STK40: variants seen among roughly 807,000 people sequenced by gnomAD.
STK40 encodes serine/threonine kinase 40.
STK40 carries 13 observed loss-of-function variants against 47.9 expected under a neutral mutation model. That is an observed-to-expected ratio of 0.27 (90% CI 0.18 to 0.43). The LOEUF (loss-of-function observed/expected upper bound fraction) is 0.43, where lower values mean the gene tolerates loss of function less well. Ranked by LOEUF, STK40 falls within the 20% of genes least tolerant of loss-of-function variation. STK40 has a pLI of 1.00. For missense variants in STK40, 460 were observed against 595.1 expected, an observed-to-expected ratio of 0.77 and a Z score of 2.36; for synonymous variants, 225 against 243.2, an observed-to-expected ratio of 0.93 and a Z score of 0.69.
Position 36,358,250 on chromosome 1 carries a change from C to T in STK40, c.331G>A (p.Gly111Ser), listed in dbSNP as rs772996133. The T allele has an allele frequency of 6.3e-6, 10 of 1,589,422 alleles. No individual in the cohort carries two copies. Among genetic ancestry groups the T allele is most frequent in the Non-Finnish European group, 8.6e-6 (10 of 1,160,362 alleles). ...HTQDGVVHHHGLFQDRTCEIV... is the reference protein window; with the variant it reads ...HTQDGVVHHHSLFQDRTCEIV... ...GGAAGGCCGCTCACCTGGAAGAGGC[C>T]GTGGTGGTGCACCACGCCATCCTGC... The change falls in exon 4 of 11, where the codon GGC becomes AGC. Residue 111 changes from glycine (G) to serine (S), a missense_variant. By Grantham distance (56) the Gly-to-Ser change is moderately conservative. This residue lies in a region of STK40 where 277 missense variants were observed against 358.7 expected (regional missense o/e 0.77). Coordinates refer to ENST00000373132, the MANE Select transcript of STK40 (RefSeq NM_001282547.2).
At chr1:36,367,906 G>A (rs1557519519) in intron 1 of STK40, 1 of 985,432 alleles carries the variant, frequency 1.0e-6, no homozygotes. Context: ...CTCCCTGAAT[G>A]GGTCTGTGGT....
rs539898344 is a variant in STK40 at position 36,369,539 on chromosome 1, A to G, written c.-8-8199T>C. The stretch of plus-strand genomic sequence containing the variant: ...ATGACACAATCCCGAGTATGCCATG[A>G]ACACCCCTGCCCCGCCCAACTCTCC... On this transcript the variant is annotated intron_variant, in intron 1 of 10. Transcript: ENST00000373132. Among the ~76,000 whole-genome samples, 14 of 152,242 alleles carry G rather than the reference A, an allele frequency of 9.2e-5. No homozygotes were observed. In the South Asian group the frequency reaches 1.0e-3, roughly 11 times the overall value.
chr1:36,348,969 C>T (rs1646728289), intron 6 of STK40, among the ~76,000 whole-genome samples, 154 bp from the exon 7 acceptor site: 1 of 152,224 alleles, frequency 6.6e-6, no homozygotes, highest in African/African-American at 2.4e-5. Flanking sequence ...CCGACCCCCT[C>T]TCCAGGGAGC....
At chr1:36,349,865 C>T (rs1481118788) in intron 6 of STK40, among the ~76,000 whole-genome samples, 1 of 152,178 alleles carries the variant, frequency 6.6e-6, no homozygotes, top group Non-Finnish European at 1.5e-5. Context: ...CCCAACTGCC[C>T]TGCTCCTGTG....
At chr1:36,385,247 G>C (rs1044590533) in intron 1 of STK40, among the ~76,000 whole-genome samples, 2 of 152,234 alleles carry the variant, frequency 1.3e-5, no homozygotes, top group African/African-American at 4.8e-5. Flanking sequence ...CGCCGCCCGG[G>C]ATATGAAAAT....
At chr1:36,370,544 C>T (rs1187341435) in intron 1 of STK40, among the ~76,000 whole-genome samples, 3 of 152,162 alleles carry the variant, frequency 2.0e-5, no homozygotes, top group African/African-American at 2.4e-5. Context: ...TCTGAATGCG[C>T]GATGCAACTG....
At chr1:36,350,628 C>T (rs1646743593) in intron 6 of STK40, among the ~76,000 whole-genome samples, 1 of 152,216 alleles carries the variant, frequency 6.6e-6, no homozygotes, top group Non-Finnish European at 1.5e-5. Context: ...GGGCACTTAG[C>T]CCAATGCCTG....
chr1:36,377,069 C>A (rs982923841), intron 1 of STK40, among the ~76,000 whole-genome samples: 1 of 151,840 alleles, frequency 6.6e-6, no homozygotes, highest in African/African-American at 2.4e-5. Flanking sequence ...CCGTGCCCAG[C>A]CTAGAAGAAA....
In STK40 at chr1:36,348,705, A is replaced by G; in HGVS notation, c.734T>C (p.Leu245Pro). The change falls in exon 7 of 11, where the codon CTC (leucine) becomes CCC (proline). Residue 245 changes from leucine (L) to proline (P), a missense_variant. By Grantham distance (98) the Leu-to-Pro change is moderately conservative (BLOSUM62 -3). Coordinates refer to ENST00000373132, the MANE Select transcript of STK40 (RefSeq NM_001282547.2). The part of the protein sequence containing the change: ...GSPAYISPDV[L>P]SGRPYRGKPS... ...TGTCTGGCACACACACGTACCGCTG[A>G]GCACGTCGGGACTGATGTAGGCAGG... 6.2e-7 allele frequency: 1 copy of G among 1,606,168 alleles called. No individual in the cohort carries two copies. The highest frequency in any genetic ancestry group is 8.5e-7 in the Non-Finnish European group (1 of 1,176,190).
chr1:36,354,813 G>C (rs911085352), intron 5 of STK40, among the ~76,000 whole-genome samples: 8 of 152,168 alleles, frequency 5.3e-5, no homozygotes, highest in Admixed American at 5.2e-4. Context: ...CGGCACACCG[G>C]GAAGAGGCTC....
chr1:36,358,778 A>G lies in STK40; in HGVS notation c.157T>C (p.Leu53=). ...NSPVPSIVQC[L]ARKDGTDDFY... ...TCATCCGTGCCATCTTTCCTCGCCA[A>G]ACACTGCACTATGCTTGGCACCGGT... The change falls in exon 3 of 11, where the codon TTG becomes CTG. Residue 53 remains leucine (L), a synonymous_variant. Transcript: ENST00000373132. 6.2e-7 allele frequency: 1 copy of G among 1,614,140 alleles called. No homozygotes were observed. Among genetic ancestry groups the G allele is most frequent in the Non-Finnish European group, 8.5e-7 (1 of 1,180,022 alleles).
chr1:36,385,384 G>A (rs1320382142), intron 1 of STK40, among the ~76,000 whole-genome samples: 1 of 152,244 alleles, frequency 6.6e-6, no homozygotes, highest in Non-Finnish European at 1.5e-5. Context: ...CGGAGAGGCA[G>A]AAGGTGTCTT....
intron 6 of STK40, among the ~76,000 whole-genome samples, chr1:36,350,362 T>C (rs1159512763): frequency 6.6e-6 from 1 of 152,106 alleles, no homozygotes; most frequent in Admixed American, 6.5e-5. Flanking sequence ...CTGTGGGTTT[T>C]CTCCCCTGGT....
intron 10 of STK40, 67 bp from the exon 11 acceptor site, chr1:36,342,040 A>T: frequency 6.9e-7 from 1 of 1,448,142 alleles, no homozygotes; most frequent in Non-Finnish European, 9.4e-7. Flanking sequence ...AGCAGACAGG[A>T]GGGCAGGCAA....
chr1:36,367,441 T>C (rs2124744442), intron 1 of STK40, among the ~76,000 whole-genome samples: 1 of 152,190 alleles, frequency 6.6e-6, no homozygotes, highest in South Asian at 2.1e-4. Flanking sequence ...TCTTACTCTG[T>C]CAATTTGGGG....
chr1:36,367,989 A>C, intron 1 of STK40: 1 of 577,688 alleles, frequency 1.7e-6, no homozygotes, highest in Non-Finnish European at 2.2e-6. Context: ...CTCCAGCTTA[A>C]GATCTCTTGG....
intron 1 of STK40, among the ~76,000 whole-genome samples, chr1:36,369,440 G>A (rs1163560781): frequency 6.6e-6 from 1 of 152,098 alleles, no homozygotes; most frequent in Non-Finnish European, 1.5e-5. Flanking sequence ...CAATTCCTCA[G>A]TGAGCCTAAG....
intron 1 of STK40, 45 bp from the exon 2 acceptor site, chr1:36,361,385 G>C: frequency 3.7e-6 from 6 of 1,610,624 alleles, no homozygotes; most frequent in Non-Finnish European, 5.1e-6. Context: ...AAGTCAGCGA[G>C]TTTCCTTATG....
chr1:36,353,348 T>A (rs1328557054), intron 6 of STK40, among the ~76,000 whole-genome samples: 1 of 152,206 alleles, frequency 6.6e-6, no homozygotes, highest in Non-Finnish European at 1.5e-5. Context: ...GGTTCCTACA[T>A]GGTTGGTGGT....
Sources: allele counts gnomAD v4.1 joint callset (sites outside exome capture counted in the v4.1 genomes callset), GRCh38; gene constraint gnomAD v4.1.1; regional missense constraint gnomAD v4.1.1; transcripts MANE v1.5; gene names NCBI Gene and HGNC (gene_info 2026-07-23, HGNC 2026-07-21).